WWOX: variants seen among roughly 807,000 people sequenced by gnomAD.
The protein encoded by WWOX is WW domain containing oxidoreductase.
Under a neutral mutation model 46.2 loss-of-function variants are expected in WWOX, and 69 were observed. The observed-to-expected ratio is 1.49, with a 90% confidence interval of 1.23 to 1.82. WWOX has a LOEUF of 1.82. WWOX is among the 40% of genes most tolerant of loss of function. The probability of loss-of-function intolerance (pLI) is 0.00; values close to 1 mark genes in which losing one functional copy is unlikely to be tolerated. For missense variants in WWOX, 919 were observed against 542.6 expected (o/e 1.69, Z -6.89); for synonymous variants, 359 against 202.6 (o/e 1.77, Z -6.56).
chr16:78,471,952 T>C lies in WWOX; in HGVS notation c.1056+39200T>C, dbSNP rs62034129. ...ATTCTACACATACTTCAAATACTAT[T>C]AATGCAAAATCCTTCTTTAGAAATG... On this transcript the variant is annotated intron_variant, in intron 8 of 8. Coordinates refer to ENST00000566780, the MANE Select transcript of WWOX (RefSeq NM_016373.4). Among the ~76,000 whole-genome samples the C allele has an allele frequency of 4.6e-3, 706 of 152,354 alleles. 4 individuals are homozygous for C. The highest frequency in any genetic ancestry group is 0.01 in the Middle Eastern group (3 of 294).
chr16:78,542,388 A>C (rs185789035), intron 8 of WWOX, among the ~76,000 whole-genome samples: 1 of 152,268 alleles, frequency 6.6e-6, no homozygotes, highest in East Asian at 1.9e-4. Context: ...CAATCAGAAG[A>C]AGACAGAGTG....
intron 8 of WWOX, among the ~76,000 whole-genome samples, chr16:79,127,788 G>C (rs562595108): frequency 6.6e-6 from 1 of 152,306 alleles, no homozygotes; most frequent in South Asian, 2.1e-4. Flanking sequence ...GCTGGGTGGA[G>C]GGGTGGACTG....
At chr16:78,507,993 CGTGCGT>C (rs1235323713) in intron 8 of WWOX, among the ~76,000 whole-genome samples, 7,453 of 145,070 alleles carry the variant, frequency 0.051, 237 homozygotes, top group Middle Eastern at 0.095. Flanking sequence ...TTTTTGGTTG[CGTGCGT>C]GTGTGTGTGT....
intron 8 of WWOX, among the ~76,000 whole-genome samples, chr16:79,133,234 G>T (rs965560836): frequency 1.3e-5 from 2 of 152,136 alleles, no homozygotes; most frequent in Non-Finnish European, 2.9e-5. Context: ...GCATTTCATG[G>T]TTCCTCCTGC....
At chr16:79,051,034 T>C (rs768160545) in intron 8 of WWOX, among the ~76,000 whole-genome samples, 10 of 152,232 alleles carry the variant, frequency 6.6e-5, no homozygotes, top group Non-Finnish European at 1.2e-4. Flanking sequence ...TTAACGCTTA[T>C]AGCAGGATTA....
chr16:78,408,289 G>C (rs1183824466), intron 6 of WWOX, among the ~76,000 whole-genome samples: 1 of 152,060 alleles, frequency 6.6e-6, no homozygotes, highest in Admixed American at 6.5e-5. Context: ...ACCTTTGAGT[G>C]TTGCCTTCAC....
chr16:79,167,116 T>C (rs886262668), intron 8 of WWOX, among the ~76,000 whole-genome samples: 1 of 152,122 alleles, frequency 6.6e-6, no homozygotes, highest in African/African-American at 2.4e-5. Context: ...AATTTTTTTG[T>C]ATTTTATTAG....
chr16:78,549,585 C>T (rs1459968398), intron 8 of WWOX, among the ~76,000 whole-genome samples: 4 of 152,146 alleles, frequency 2.6e-5, no homozygotes, highest in South Asian at 2.1e-4. Context: ...CATGTGGCCA[C>T]TCCAGACCAT....
chr16:78,272,212 A>G (rs917544316), intron 5 of WWOX, among the ~76,000 whole-genome samples: 2 of 152,112 alleles, frequency 1.3e-5, no homozygotes, highest in African/African-American at 2.4e-5. Context: ...CAGTGGTGCT[A>G]TGCTGGAGGA....
chr16:79,025,015 C>T (rs146606589), intron 8 of WWOX, among the ~76,000 whole-genome samples: 19 of 152,264 alleles, frequency 1.2e-4, no homozygotes, highest in Non-Finnish European at 2.2e-4. Flanking sequence ...AATGAAGCAC[C>T]GCCAGGCCCA....
chr16:78,513,772 A>G (rs564559585), intron 8 of WWOX, among the ~76,000 whole-genome samples: 2 of 152,224 alleles, frequency 1.3e-5, no homozygotes, highest in African/African-American at 4.8e-5. Context: ...AGCGAATAGT[A>G]TTTTCCAAAC....
At chr16:78,233,424 G>A (rs757125174) in intron 5 of WWOX, among the ~76,000 whole-genome samples, 23 of 151,942 alleles carry the variant, frequency 1.5e-4, no homozygotes, top group Admixed American at 2.6e-4. Context: ...ACGTGCTGTG[G>A]TGGCCTATTG....
intron 5 of WWOX, among the ~76,000 whole-genome samples, chr16:78,282,946 G>A (rs1465016061): frequency 6.6e-6 from 1 of 151,136 alleles, no homozygotes; most frequent in Non-Finnish European, 1.5e-5. Flanking sequence ...CTGAAGATCA[G>A]CTTCAGCTTG....
At chr16:78,682,940 G>C (rs181611774) in intron 8 of WWOX, among the ~76,000 whole-genome samples, 1 of 152,128 alleles carries the variant, frequency 6.6e-6, no homozygotes, top group Non-Finnish European at 1.5e-5. Context: ...CTCCAAGTGA[G>C]TGATTTCCCC....
chr16:78,999,062 C>T (rs995815661), intron 8 of WWOX, among the ~76,000 whole-genome samples: 3 of 151,964 alleles, frequency 2.0e-5, no homozygotes, highest in Non-Finnish European at 2.9e-5. Context: ...AGAAATATTC[C>T]GGACGTGGAA....
At chr16:78,322,414 G>A (rs1311767946) in intron 5 of WWOX, among the ~76,000 whole-genome samples, 1 of 152,208 alleles carries the variant, frequency 6.6e-6, no homozygotes, top group African/African-American at 2.4e-5. Context: ...CTCACTGAGT[G>A]TTCGTGATCG....
At chr16:78,950,221 A>G (rs1053177988) in intron 8 of WWOX, among the ~76,000 whole-genome samples, 1 of 152,062 alleles carries the variant, frequency 6.6e-6, no homozygotes, top group African/African-American at 2.4e-5. Context: ...ATTCCCTCCT[A>G]ATCTTTCAGT....
intron 8 of WWOX, among the ~76,000 whole-genome samples, chr16:78,455,401 G>A (rs562205162): frequency 6.6e-6 from 1 of 152,042 alleles, no homozygotes; most frequent in East Asian, 1.9e-4. Flanking sequence ...AGCATTTTGG[G>A]AGGCCAAGGT....
intron 8 of WWOX, among the ~76,000 whole-genome samples, chr16:78,561,773 C>T (rs771650819): frequency 7.9e-5 from 12 of 152,216 alleles, no homozygotes; most frequent in Admixed American, 3.3e-4. Context: ...ACCTGTGAGC[C>T]GAGCAAGTGA....
Sources: gnomAD v4.1 joint callset for allele counts (sites outside exome capture counted in the v4.1 genomes callset) on GRCh38, gnomAD v4.1.1 for gene constraint, MANE v1.5 for transcripts, NCBI Gene and HGNC (gene_info 2026-07-23, HGNC 2026-07-21) for gene names.